SYTL5: variants seen among roughly 807,000 people sequenced by gnomAD.
The protein encoded by SYTL5 is synaptotagmin-like protein 5.
A neutral mutation model predicts 55.9 loss-of-function variants in SYTL5; 34 were observed. That is an observed-to-expected ratio of 0.61 (90% confidence interval 0.46 to 0.81). SYTL5 has a LOEUF of 0.81. SYTL5 is among the 30% of genes least tolerant of loss of function. SYTL5 has a pLI of 0.00. For missense variants in SYTL5, 637 were observed against 546.7 expected (o/e 1.17, Z -1.65); for synonymous variants, 221 against 188.7 (o/e 1.17, Z -1.40).
At chrX:38,125,215 A>G (rs1370002903) in intron 15 of SYTL5, 83 bp from the exon 16 acceptor site, 1 of 836,056 alleles carries the variant, frequency 1.2e-6, no homozygotes, top group Non-Finnish European at 1.7e-6. Flanking sequence ...AAGGAAAATC[A>G]AATAGACACA....
chrX:37,995,324 G>A, the SYTL5 span, among the ~76,000 whole-genome samples: 1 of 111,912 alleles, frequency 8.9e-6, no homozygotes, highest in Admixed American at 9.4e-5. Context: ...GAGGGCACAC[G>A]GGCTGGCATG....
At chrX:37,968,950 C>G in the SYTL5 span, among the ~76,000 whole-genome samples, 3 of 111,978 alleles carry the variant, frequency 2.7e-5, no homozygotes, top group Non-Finnish European at 1.9e-5. Flanking sequence ...GGAACAATTT[C>G]TTTATATTAC....
chrX:38,109,073 G>A (rs1162710422), intron 12 of SYTL5, among the ~76,000 whole-genome samples: 3 of 111,906 alleles, frequency 2.7e-5, no homozygotes, highest in African/African-American at 9.7e-5. Flanking sequence ...CACTTTGCAC[G>A]CATTCATTGT....
Position 38,033,919 on chromosome X carries a change from G to C in SYTL5, c.30G>C (p.Leu10=). 8.4e-7 allele frequency: 1 copy of C among 1,195,990 alleles called. No homozygotes were observed. Among genetic ancestry groups the C allele is most frequent in the Non-Finnish European group, 1.1e-6 (1 of 884,281 alleles). MSKNSEFIN[L]SFLLDHEKEM... Reference sequence around the variant, plus strand: ...CTAAGAACTCAGAGTTCATCAATCTGTCATTTTTATTAGATCATGAGAAGG... The same window carrying C: ...CTAAGAACTCAGAGTTCATCAATCTCTCATTTTTATTAGATCATGAGAAGG... The change falls in exon 2 of 17, where the codon CTG becomes CTC. Residue 10 remains leucine (L), a synonymous_variant. Coordinates refer to ENST00000297875, the MANE Select transcript of SYTL5 (RefSeq NM_138780.3).
upstream of SYTL5, among the ~76,000 whole-genome samples, chrX:38,003,314 G>A (rs1192287211): frequency 2.7e-5 from 3 of 111,514 alleles, no homozygotes; most frequent in African/African-American, 9.8e-5. Context: ...TACCTCCAGT[G>A]TTGTTCTTTT....
Position 38,065,018 on chromosome X carries a change from C to T in SYTL5, c.330-7029C>T, listed in dbSNP as rs17312541. On this transcript the variant is annotated intron_variant, in intron 3 of 16. Coordinates refer to ENST00000297875, the MANE Select transcript of SYTL5 (RefSeq NM_138780.3). ...TAGATTCATTAAAGTGTATTTTTCT[C>T]ATCCCATGTTATCCTTTCTACTGGT... 9.3e-3 allele frequency among the ~76,000 whole-genome samples: 1,038 copies of T among 111,122 alleles called. 7 individuals are homozygous for T. The highest frequency in any genetic ancestry group is 0.013 in the Non-Finnish European group (693 of 52,859).
At chrX:38,049,861 C>A in intron 2 of SYTL5, among the ~76,000 whole-genome samples, 1 of 112,178 alleles carries the variant, frequency 8.9e-6, no homozygotes, top group Non-Finnish European at 1.9e-5. Flanking sequence ...ATGCTCATAA[C>A]AACACTGTAA....
At chrX:37,972,914 C>A in the SYTL5 span, among the ~76,000 whole-genome samples, 2 of 111,502 alleles carry the variant, frequency 1.8e-5, no homozygotes, top group Non-Finnish European at 3.8e-5. Context: ...ATTGTGGAGA[C>A]CAAGTTTTAT....
chrX:38,062,581 C>T (rs1473662678), intron 3 of SYTL5, among the ~76,000 whole-genome samples: 1 of 111,151 alleles, frequency 9.0e-6, no homozygotes, highest in Non-Finnish European at 1.9e-5. Flanking sequence ...AGAAATACAG[C>T]CCCTGACATC....
chrX:38,122,693 C>A (rs753389503), intron 15 of SYTL5, among the ~76,000 whole-genome samples: 1 of 112,103 alleles, frequency 8.9e-6, no homozygotes, highest in African/African-American at 3.2e-5. Context: ...GGCTCCAAGA[C>A]CACCTGCTAG....
At chrX:38,038,329 G>A (rs7049976) in intron 2 of SYTL5, among the ~76,000 whole-genome samples, 4 of 110,769 alleles carry the variant, frequency 3.6e-5, no homozygotes, top group African/African-American at 6.6e-5. Context: ...CTGTACCCCC[G>A]CTTCTGTTGA....
chrX:37,926,779 A>G, the SYTL5 span, among the ~76,000 whole-genome samples: 21 of 111,574 alleles, frequency 1.9e-4, no homozygotes, highest in Non-Finnish European at 2.8e-4. Flanking sequence ...GTGATAATTT[A>G]TTTCTGTCAG....
At chrX:37,895,728 A>G in the SYTL5 span, among the ~76,000 whole-genome samples, 3 of 110,015 alleles carry the variant, frequency 2.7e-5, no homozygotes, top group East Asian at 8.5e-4. Context: ...TCCTTAAAAT[A>G]ATGTTCTCTC....
chrX:38,075,560 G>A (rs1936370325), intron 5 of SYTL5, among the ~76,000 whole-genome samples: 1 of 111,622 alleles, frequency 9.0e-6, no homozygotes, highest in African/African-American at 3.3e-5. Context: ...GTGACTCCAG[G>A]CAGAGGAGAT....
At chrX:37,901,571 A>G in the SYTL5 span, among the ~76,000 whole-genome samples, 2 of 112,117 alleles carry the variant, frequency 1.8e-5, no homozygotes, top group Non-Finnish European at 3.8e-5. Flanking sequence ...CTTCTCTAAG[A>G]AGTAGGCCCA....
chrX:37,997,786 G>C, the SYTL5 span, among the ~76,000 whole-genome samples: 1 of 112,663 alleles, frequency 8.9e-6, no homozygotes, highest in Non-Finnish European at 1.9e-5. Context: ...GGGCCTGAAA[G>C]CTGGGGGCTG....
the SYTL5 span, among the ~76,000 whole-genome samples, chrX:37,890,953 C>T: frequency 1.8e-5 from 2 of 111,672 alleles, no homozygotes; most frequent in Admixed American, 1.9e-4. Context: ...AGGAGGATCA[C>T]TTGAAACCAG....
At chrX:37,990,172 G>C in the SYTL5 span, among the ~76,000 whole-genome samples, 12 of 111,126 alleles carry the variant, frequency 1.1e-4, no homozygotes, top group South Asian at 3.8e-4. Context: ...GCGCCCGGCT[G>C]AGCATCTTAT....
intron 10 of SYTL5, among the ~76,000 whole-genome samples, chrX:38,102,736 C>A (rs149396186): frequency 9.0e-6 from 1 of 111,535 alleles, no homozygotes; most frequent in African/African-American, 3.3e-5. Flanking sequence ...TATCTGCTGA[C>A]ACATTTCCCT....
Sources: gnomAD v4.1 joint callset for allele counts (sites outside exome capture counted in the v4.1 genomes callset) on GRCh38, gnomAD v4.1.1 for gene constraint, MANE v1.5 for transcripts, NCBI Gene and HGNC (gene_info 2026-07-23, HGNC 2026-07-21) for gene names.